NRG2: variants seen among roughly 807,000 people sequenced by gnomAD.
NRG2 encodes the protein pro-neuregulin-2, membrane-bound isoform.
In NRG2, 27 loss-of-function variants were observed where a neutral mutation model predicts 73.9. The ratio of observed to expected loss-of-function variants is 0.37; its 90% CI spans 0.27 to 0.50. NRG2 has a LOEUF of 0.50. Ranked by LOEUF, NRG2 falls within the 20% of genes least tolerant of loss-of-function variation. The probability of loss-of-function intolerance (pLI) is 0.96; values close to 1 mark genes in which losing one functional copy is unlikely to be tolerated. For synonymous variants in NRG2, 532 were observed against 541.0 expected, an observed-to-expected ratio of 0.98 and a Z score of 0.23; for missense variants, 1,126 against 1,210.1, an observed-to-expected ratio of 0.93 and a Z score of 1.03.
chr5:139,851,713 C>T lies in NRG2; in HGVS notation c.1663G>A (p.Ala555Thr), dbSNP rs778878686. 2.8e-5 allele frequency: 46 copies of T among 1,614,094 alleles called. No homozygotes were observed. The highest frequency in any genetic ancestry group is 3.9e-5 in the Non-Finnish European group (46 of 1,180,056). Reference sequence around the variant, plus strand: ...TAGGCTGCTGCCCGCCTTGCCCGGGCCTCCACACATGCTGGGCTGTTGCAT... The same window carrying T: ...TAGGCTGCTGCCCGCCTTGCCCGGGTCTCCACACATGCTGGGCTGTTGCAT... ...SKCNSPACVEARARRAAAYNL... is the reference protein window; with the variant it reads ...SKCNSPACVETRARRAAAYNL... Residue 555 changes from alanine (A) to threonine (T), a missense_variant, in exon 9 of 10, where the codon GCC becomes ACC. Ala to Thr is a moderately conservative substitution (Grantham distance 58). Transcript: ENST00000361474. The surrounding 1 kb of genome is among the most constrained non-coding windows in gnomAD (Gnocchi z 4.2).
intron 1 of NRG2, among the ~76,000 whole-genome samples, chr5:139,977,929 A>G (rs1756501020): frequency 3.3e-5 from 5 of 152,246 alleles, no homozygotes; most frequent in Admixed American, 3.3e-4. Context: ...CTTACACCTT[A>G]CACAAAAATT....
At chr5:139,968,913 G>C (rs1171870094) in intron 1 of NRG2, among the ~76,000 whole-genome samples, 1 of 152,242 alleles carries the variant, frequency 6.6e-6, no homozygotes, top group Non-Finnish European at 1.5e-5. Flanking sequence ...CAGGAGCTGA[G>C]ACGCAGCCTG....
At chr5:139,991,167 C>T (rs1179662260) in intron 1 of NRG2, among the ~76,000 whole-genome samples, 1 of 152,004 alleles carries the variant, frequency 6.6e-6, no homozygotes, top group Non-Finnish European at 1.5e-5. Context: ...ATCCCAGCTA[C>T]TCAGGAGGCT....
chr5:140,040,377 C>A (rs2436388), intron 1 of NRG2, among the ~76,000 whole-genome samples: 6,552 of 152,238 alleles, frequency 0.043, 452 homozygotes, highest in African/African-American at 0.15. Flanking sequence ...ATGATCATAA[C>A]CTAGAAACAG....
Position 139,852,603 on chromosome 5 carries a change from A to T in NRG2, c.1417-44T>A. The T allele has an allele frequency of 6.3e-7, 1 of 1,599,986 alleles. No homozygotes were observed. The highest frequency in any genetic ancestry group is 8.5e-7 in the Non-Finnish European group (1 of 1,172,576). On this transcript the variant is annotated intron_variant, in intron 7 of 9. Coordinates refer to ENST00000361474, the MANE Select transcript of NRG2 (RefSeq NM_004883.3). The surrounding 1 kb of genome is among the most constrained non-coding windows in gnomAD (Gnocchi z 4.4). ...GGCGAGAGTTAGTGACTGGGGCCCAAATGAACTCTTTCTTGTTGGGGACAG... is the reference window on the plus strand; with the variant it reads ...GGCGAGAGTTAGTGACTGGGGCCCATATGAACTCTTTCTTGTTGGGGACAG...
intron 1 of NRG2, among the ~76,000 whole-genome samples, chr5:139,970,700 G>C (rs374023220): frequency 7.9e-5 from 12 of 152,228 alleles, no homozygotes; most frequent in African/African-American, 2.7e-4. Flanking sequence ...AGAGAGCAAA[G>C]AAGAGAAGAA....
rs1454572698 is a variant in NRG2 at position 139,904,581 on chromosome 5, A to G, written c.701-17070T>C. ...CGCCCTCCACCCTCGCCCCCCCTCC[A>G]CCGGCTCGGGCCGCGGGGGCGTGTG... is the stretch of plus-strand genomic sequence containing the variant. On this transcript the variant is annotated intron_variant, in intron 1 of 9. Coordinates refer to ENST00000361474, the MANE Select transcript of NRG2 (RefSeq NM_004883.3). This position sits in a 1 kb window ranked among gnomAD's most constrained non-coding sequence, Gnocchi z 6.0. 6.6e-6 allele frequency among the ~76,000 whole-genome samples: 1 copy of G among 150,696 alleles called. No homozygotes were observed. Among genetic ancestry groups the G allele is most frequent in the Non-Finnish European group, 1.5e-5 (1 of 67,594 alleles).
intron 1 of NRG2, among the ~76,000 whole-genome samples, chr5:140,005,369 C>T (rs112329106): frequency 1.3e-5 from 2 of 152,216 alleles, no homozygotes; most frequent in African/African-American, 2.4e-5. Flanking sequence ...CATACTCTCA[C>T]GCCTCAGCAG....
intron 1 of NRG2, among the ~76,000 whole-genome samples, chr5:140,023,447 C>T (rs1404221360): frequency 1.3e-5 from 2 of 152,168 alleles, no homozygotes; most frequent in African/African-American, 2.4e-5. Context: ...ATGTCCAGCC[C>T]TAATTAATCT....
chr5:139,898,939 A>G (rs1764715184), intron 1 of NRG2, among the ~76,000 whole-genome samples: 2 of 152,166 alleles, frequency 1.3e-5, no homozygotes, highest in Non-Finnish European at 2.9e-5. Context: ...AGTCCTTCTC[A>G]TGCTCCAAAG....
At chr5:140,038,757 T>G (rs1019819650) in intron 1 of NRG2, among the ~76,000 whole-genome samples, 1 of 152,188 alleles carries the variant, frequency 6.6e-6, no homozygotes, top group Non-Finnish European at 1.5e-5. Flanking sequence ...GAATGCAGTC[T>G]GCCGAGGAAA....
At chr5:139,944,741 A>G (rs1462752707) in intron 1 of NRG2, among the ~76,000 whole-genome samples, 1 of 152,174 alleles carries the variant, frequency 6.6e-6, no homozygotes, top group Non-Finnish European at 1.5e-5. Context: ...TGTCTCTCAC[A>G]TGTAATAATT....
chr5:140,042,137 C>T (rs981497964), intron 1 of NRG2, among the ~76,000 whole-genome samples: 4 of 152,240 alleles, frequency 2.6e-5, no homozygotes, highest in Middle Eastern at 3.4e-3. Context: ...CTGGCACAGG[C>T]CAGCGCCTCC....
At chr5:139,953,395 C>A (rs1389388044) in intron 1 of NRG2, among the ~76,000 whole-genome samples, 1 of 152,186 alleles carries the variant, frequency 6.6e-6, no homozygotes, top group Non-Finnish European at 1.5e-5. Flanking sequence ...TGAAGCCAGG[C>A]ATTCTGGATG....
intron 6 of NRG2, among the ~76,000 whole-genome samples, chr5:139,855,453 G>A (rs945957710): frequency 2.0e-5 from 3 of 152,290 alleles, no homozygotes; most frequent in East Asian, 1.9e-4. Flanking sequence ...ACCATTCTTC[G>A]TCAGTGCCCT....
intron 1 of NRG2, among the ~76,000 whole-genome samples, chr5:139,889,320 AAT>A (rs759631587): frequency 1.8e-4 from 28 of 151,980 alleles, no homozygotes; most frequent in African/African-American, 4.3e-4. Flanking sequence ...GATTCCATTG[AAT>A]ATATATATAT....
intron 1 of NRG2, among the ~76,000 whole-genome samples, chr5:139,984,894 T>C (rs968638619): frequency 2.6e-5 from 4 of 152,134 alleles, no homozygotes; most frequent in Non-Finnish European, 4.4e-5. Flanking sequence ...TTCTATTCCT[T>C]ATTCATGGTT....
chr5:139,879,293 C>G (rs1763379565), intron 3 of NRG2, among the ~76,000 whole-genome samples: 1 of 152,050 alleles, frequency 6.6e-6, no homozygotes, highest in African/African-American at 2.4e-5. Context: ...GAGTTGAAGG[C>G]TAATCAAAGG....
intron 1 of NRG2, among the ~76,000 whole-genome samples, chr5:139,975,058 C>T (rs901034642): frequency 1.3e-5 from 2 of 152,202 alleles, no homozygotes; most frequent in Non-Finnish European, 2.9e-5. Flanking sequence ...ATATGTGTGT[C>T]GTACATGTCT....
Sources: gnomAD v4.1 joint callset for allele counts (sites outside exome capture counted in the v4.1 genomes callset) on GRCh38, gnomAD v4.1.1 for gene constraint, Gnocchi (gnomAD v3.1) non-coding constraint, MANE v1.5 for transcripts, NCBI Gene and HGNC (gene_info 2026-07-23, HGNC 2026-07-21) for gene names.